MCTP1: variants seen among roughly 807,000 people sequenced by gnomAD.
MCTP1 encodes the protein multiple C2 and transmembrane domain-containing protein 1.
MCTP1 carries 69 observed loss-of-function variants against 120.6 expected under a neutral mutation model. The observed-to-expected ratio is 0.57, with a 90% CI of 0.47 to 0.70. MCTP1 has a LOEUF of 0.70. Ranked by LOEUF, MCTP1 falls within the 30% of genes least tolerant of loss-of-function variation. The pLI, the probability that MCTP1 is intolerant of heterozygous loss-of-function variation, is 0.00. For synonymous variants in MCTP1, 529 were observed against 493.1 expected (o/e 1.07, Z -0.96); for missense variants, 1,203 against 1,248.8 (o/e 0.96, Z 0.55).
chr5:95,204,088 G>A (rs1485905281), intron 1 of MCTP1, among the ~76,000 whole-genome samples: 1 of 152,060 alleles, frequency 6.6e-6, no homozygotes, highest in African/African-American at 2.4e-5. Flanking sequence ...TCTGTGGGGG[G>A]CTCTATAATC....
rs1178266205 is a variant in MCTP1, at chr5:94,704,292, A to C, written c.*3204T>G. ...TTTAGCAATACCTGAGACGTTTTTCAAGAAGTATAATGGTAGCTGTCTTTA... is the reference window on the plus strand; with the variant it reads ...TTTAGCAATACCTGAGACGTTTTTCCAGAAGTATAATGGTAGCTGTCTTTA... On this transcript the variant is annotated 3_prime_UTR_variant, in exon 23 of 23. Transcript: ENST00000515393. The C allele has an allele frequency of 3.3e-5, 5 of 151,598 alleles. No individual in the cohort carries two copies. The highest frequency in any genetic ancestry group is 5.9e-5 in the Non-Finnish European group (4 of 67,710). The allele number at this position is 151,598 out of a possible 1,614,324, so 9.4% of individuals were successfully genotyped here. A position where few individuals can be genotyped will look rare whatever the true frequency, so the allele number is the denominator to read the frequency against.
At position 95,284,186 on chromosome 5, in the gene MCTP1, G is replaced by A; in HGVS notation, c.390C>T (p.Leu130=). 6.5e-7 allele frequency: 1 copy of A among 1,545,586 alleles called. No homozygotes were observed. The highest frequency in any genetic ancestry group is 8.7e-7 in the Non-Finnish European group (1 of 1,146,834). ...TLRRRIREHL[L]PAVKGPAAAS... ...CCGCCGCGGGCCCCTTTACGGCGGG[G>A]AGCAAATGCTCGCGGATCCGGCGGC... Residue 130 remains leucine, a synonymous_variant, in exon 1 of 23, where the codon CTC becomes CTT. Transcript: ENST00000515393. This position sits in a 1 kb window ranked among gnomAD's most constrained non-coding sequence, Gnocchi z 5.2.
rs1760580079 is a variant in MCTP1, at chr5:95,284,323, T to G, written c.253A>C (p.Lys85Gln). 6.3e-7 allele frequency: 1 copy of G among 1,597,288 alleles called. No individual in the cohort carries two copies. The highest frequency in any genetic ancestry group is 8.5e-7 in the Non-Finnish European group (1 of 1,179,290). ...GSRWSGFKKRKQVLDRVFSSS... is the reference protein window; with the variant it reads ...GSRWSGFKKRQQVLDRVFSSS... ...GAGAAGACTCGGTCCAGCACTTGCTTCCGCTTCTTGAAGCCGCTCCACCTG... is the reference window on the plus strand; with the variant it reads ...GAGAAGACTCGGTCCAGCACTTGCTGCCGCTTCTTGAAGCCGCTCCACCTG... The change falls in exon 1 of 23, where the codon AAG (lysine) becomes CAG (glutamine). Residue 85 changes from lysine to glutamine, a missense_variant. Physicochemically the swap from Lys to Gln is moderately conservative, Grantham distance 53. Transcript: ENST00000515393. The surrounding 1 kb of genome is among the most constrained non-coding windows in gnomAD (Gnocchi z 5.2).
intron 1 of MCTP1, among the ~76,000 whole-genome samples, chr5:95,137,397 T>G (rs1759526774): frequency 6.6e-6 from 1 of 152,258 alleles, no homozygotes; most frequent in African/African-American, 2.4e-5. Flanking sequence ...AGAGAATGCT[T>G]GTAAAACACT....
chr5:94,917,291 T>G (rs1315842472), intron 8 of MCTP1, among the ~76,000 whole-genome samples: 3 of 152,184 alleles, frequency 2.0e-5, no homozygotes, highest in African/African-American at 7.2e-5. Context: ...TGCTCTCAAC[T>G]AGGTCCTTGT....
In MCTP1 at chr5:95,063,986, A is replaced by T. The variant is rs543861155; in HGVS notation, c.721-46502T>A. Among the ~76,000 whole-genome samples, 27 of 152,332 alleles carry T rather than the reference A, an allele frequency of 1.8e-4. No homozygotes were observed. The Middle Eastern group carries it at 0.01, about 58-fold the overall frequency. ...GCAGGGAGATAGAATTACAAGGAAC[A>T]CTGTGTGATGACAATGAAAGCTTAC... On this transcript the variant is annotated intron_variant, in intron 1 of 22. Transcript: ENST00000515393.
At chr5:95,018,422 T>G (rs1837541153) in intron 1 of MCTP1, among the ~76,000 whole-genome samples, 1 of 151,814 alleles carries the variant, frequency 6.6e-6, no homozygotes, top group Admixed American at 6.6e-5. Flanking sequence ...ATAATTCACA[T>G]AAAATGAAAC....
At chr5:94,815,388 A>G (rs751875075) in intron 17 of MCTP1, among the ~76,000 whole-genome samples, 4 of 152,160 alleles carry the variant, frequency 2.6e-5, no homozygotes, top group East Asian at 1.9e-4. Flanking sequence ...TCTACAGCCA[A>G]TTTCTCTATC....
intron 1 of MCTP1, among the ~76,000 whole-genome samples, chr5:95,119,877 AAG>A (rs1454790086): frequency 1.3e-5 from 2 of 152,164 alleles, no homozygotes; most frequent in Non-Finnish European, 2.9e-5. Context: ...CCATAATAGA[AAG>A]AGTCTCCCAG....
At chr5:94,997,705 T>A (rs1832889377) in intron 2 of MCTP1, among the ~76,000 whole-genome samples, 1 of 152,140 alleles carries the variant, frequency 6.6e-6, no homozygotes, top group Non-Finnish European at 1.5e-5. Flanking sequence ...CGCTGATACA[T>A]CATTATCAAC....
intron 1 of MCTP1, among the ~76,000 whole-genome samples, chr5:95,069,762 A>C (rs540577327): frequency 6.7e-6 from 1 of 149,562 alleles, no homozygotes; most frequent in East Asian, 2.0e-4. Context: ...GCAGTGGTGC[A>C]ATCTCTGCTC....
chr5:95,176,494 C>T (rs1443388775), intron 1 of MCTP1, among the ~76,000 whole-genome samples: 1 of 152,138 alleles, frequency 6.6e-6, no homozygotes, highest in Non-Finnish European at 1.5e-5. Context: ...TACTGCACTC[C>T]AGCCTGGGCG....
chr5:94,848,829 C>G (rs73776910), intron 17 of MCTP1, among the ~76,000 whole-genome samples: 1 of 151,426 alleles, frequency 6.6e-6, no homozygotes, highest in South Asian at 2.1e-4. Context: ...AATAAATAAT[C>G]TGTCAGTAAA....
At chr5:94,778,771 C>T (rs1027118471) in intron 19 of MCTP1, among the ~76,000 whole-genome samples, 4 of 152,088 alleles carry the variant, frequency 2.6e-5, no homozygotes, top group African/African-American at 9.7e-5. Context: ...AAAGCATGGC[C>T]CGATTTGTAA....
At chr5:94,730,527 G>A (rs1762934809) in intron 19 of MCTP1, among the ~76,000 whole-genome samples, 1 of 152,166 alleles carries the variant, frequency 6.6e-6, no homozygotes, top group African/African-American at 2.4e-5. Context: ...AGTTGTGTTT[G>A]GGCTGTGAAA....
chr5:95,275,468 C>G (rs1185877981), intron 1 of MCTP1, among the ~76,000 whole-genome samples: 5 of 152,098 alleles, frequency 3.3e-5, no homozygotes, highest in Non-Finnish European at 7.4e-5. Context: ...TTTGGTGGCC[C>G]CTGTGGGCAT....
At chr5:94,934,876 CT>C (rs1269054072) in intron 5 of MCTP1, among the ~76,000 whole-genome samples, 18 of 151,442 alleles carry the variant, frequency 1.2e-4, no homozygotes, top group African/African-American at 4.4e-4. Context: ...AATTAACTCA[CT>C]TTTATTTCAC....
At chr5:95,198,166 TATATGTAAATGC>T (rs1295967442) in intron 1 of MCTP1, among the ~76,000 whole-genome samples, 1 of 152,054 alleles carries the variant, frequency 6.6e-6, no homozygotes, top group African/African-American at 2.4e-5. Context: ...CACATAAATA[TATATGTAAATGC>T]ATATCTAAAT....
At chr5:95,160,824 T>G (rs895290564) in intron 1 of MCTP1, among the ~76,000 whole-genome samples, 1 of 152,030 alleles carries the variant, frequency 6.6e-6, no homozygotes, top group Non-Finnish European at 1.5e-5. Flanking sequence ...AAAGAAGACA[T>G]ACAATAGCCA....
Sources: allele counts gnomAD v4.1 joint callset (sites outside exome capture counted in the v4.1 genomes callset), GRCh38; gene constraint gnomAD v4.1.1; non-coding constraint Gnocchi (gnomAD v3.1); transcripts MANE v1.5; gene names NCBI Gene and HGNC (gene_info 2026-07-23, HGNC 2026-07-21).